TANC1: variants seen among roughly 807,000 people sequenced by gnomAD.
The protein encoded by TANC1 is protein TANC1.
A neutral mutation model predicts 149.7 loss-of-function variants in TANC1; 77 were observed. That is an observed-to-expected ratio of 0.51 (90% CI 0.43 to 0.62). The LOEUF is 0.62. TANC1 is among the 20% of genes least tolerant of loss of function. The pLI is 0.00. For synonymous variants in TANC1, 854 were observed against 925.0 expected, an observed-to-expected ratio of 0.92 and a Z score of 1.39; for missense variants, 1,985 against 2,321.8, an observed-to-expected ratio of 0.85 and a Z score of 2.98.
chr2:158,991,018 C>T (rs756643714), intron 1 of TANC1, among the ~76,000 whole-genome samples: 4 of 139,736 alleles, frequency 2.9e-5, no homozygotes, highest in East Asian at 2.2e-4. Context: ...CTTGAGCCAG[C>T]GAGGTGGAGG....
chr2:159,117,464 C>T (rs545003825), intron 4 of TANC1, among the ~76,000 whole-genome samples: 242 of 152,048 alleles, frequency 1.6e-3, no homozygotes, highest in Admixed American at 3.3e-3. Context: ...GGTGCAATCT[C>T]GGCTCACTGC....
intron 4 of TANC1, 145 bp from the exon 5 acceptor site, chr2:159,136,049 T>TGTGTGTGTGTGTGG: frequency 1.1e-5 from 1 of 90,882 alleles, no homozygotes. Context: ...TGTGTGTGTG[T>TGTGTGTGTGTGTGG]GCGCGCGCGC....
chr2:159,076,739 AC>A (rs962440398), intron 3 of TANC1, among the ~76,000 whole-genome samples: 1 of 152,166 alleles, frequency 6.6e-6, no homozygotes, highest in Non-Finnish European at 1.5e-5. Flanking sequence ...CTTGAGGAAG[AC>A]CTGGAAAAAG....
intron 9 of TANC1, 59 bp downstream of exon 9, chr2:159,169,431 A>G: frequency 2.5e-6 from 4 of 1,570,884 alleles, no homozygotes; most frequent in African/African-American, 1.4e-5. Context: ...AGTAACTTTG[A>G]AAGTCTGTGA....
rs1266626878 is a variant in TANC1, at chr2:159,192,891, C to T, written c.2743-1366C>T. Among the ~76,000 whole-genome samples the T allele has an allele frequency of 3.9e-5, 6 of 152,296 alleles. No individual in the cohort carries two copies. The East Asian group carries it at 1.2e-3, about 29-fold the overall frequency. Reference sequence around the variant, plus strand: ...TCTCGAACTCCTAACTGCAGGTGATCCGCCCGCCTCAGCCTCCCAAAGTGG... The same window carrying T: ...TCTCGAACTCCTAACTGCAGGTGATTCGCCCGCCTCAGCCTCCCAAAGTGG... On this transcript the variant is annotated intron_variant, in intron 16 of 26. Coordinates refer to ENST00000263635, the MANE Select transcript of TANC1 (RefSeq NM_033394.3).
chr2:159,056,808 G>T, intron 2 of TANC1: 1 of 341,856 alleles, frequency 2.9e-6, no homozygotes, highest in Non-Finnish European at 6.1e-6. Context: ...GGGCAGATTA[G>T]GAAAGTCCAG....
chr2:159,182,259 C>T (rs980188684), intron 14 of TANC1, among the ~76,000 whole-genome samples: 5 of 151,750 alleles, frequency 3.3e-5, no homozygotes, highest in Admixed American at 2.6e-4. Context: ...AACATATTTA[C>T]ATTTTGCAAT....
chr2:159,166,110 C>T (rs2054574710), intron 8 of TANC1, among the ~76,000 whole-genome samples: 1 of 152,132 alleles, frequency 6.6e-6, no homozygotes, highest in Non-Finnish European at 1.5e-5. Context: ...GACATGGACA[C>T]CTCTTTCCTT....
intron 2 of TANC1, among the ~76,000 whole-genome samples, chr2:159,035,043 C>G (rs778386889): frequency 1.4e-4 from 22 of 152,138 alleles, no homozygotes; most frequent in Non-Finnish European, 3.1e-4. Context: ...TAGCCTTTGT[C>G]TTGTGGTCTG....
rs1193112045 is a variant in TANC1, at chr2:159,163,458, C to T, written c.858C>T (p.Pro286=). 1.2e-6 allele frequency: 2 copies of T among 1,613,874 alleles called. No homozygotes were observed. The highest frequency in any genetic ancestry group is 2.2e-5 in the East Asian group (1 of 44,890). The change falls in exon 8 of 27, where the codon CCC becomes CCT. Residue 286 remains proline (P), a synonymous_variant. Transcript: ENST00000263635. ...CCGGGTCAGCAGAGAGCACGCTGCC[C>T]AAAGCAGAATCCTCAGCTGGAGATG... ...ETTGSAESTL[P]KAESSAGDGP... is the part of the protein sequence containing the mutation.
intron 5 of TANC1, chr2:159,148,873 A>G (rs72951450): frequency 0.27 from 77,867 of 287,880 alleles, 11,933 homozygotes; most frequent in East Asian, 0.62. Flanking sequence ...TTTTCACATG[A>G]CTCGGAATTA....
At chr2:159,040,732 T>C (rs1419803201) in intron 2 of TANC1, among the ~76,000 whole-genome samples, 2 of 152,124 alleles carry the variant, frequency 1.3e-5, no homozygotes, top group Non-Finnish European at 2.9e-5. Flanking sequence ...GAGAAGTTTG[T>C]TATTACTGAC....
chr2:159,051,800 C>T (rs1301840855), intron 2 of TANC1, among the ~76,000 whole-genome samples: 2 of 152,086 alleles, frequency 1.3e-5, no homozygotes, highest in Middle Eastern at 3.2e-3. Context: ...GCTGCTGCCA[C>T]AGCTGAAATA....
At chr2:159,017,376 G>A (rs571545777) in intron 2 of TANC1, among the ~76,000 whole-genome samples, 14 of 152,276 alleles carry the variant, frequency 9.2e-5, no homozygotes, top group African/African-American at 3.1e-4. Context: ...ATGCCAAACA[G>A]CATTTGTGCC....
intron 3 of TANC1, among the ~76,000 whole-genome samples, chr2:159,086,391 C>T (rs576872596): frequency 2.6e-5 from 4 of 151,946 alleles, no homozygotes; most frequent in African/African-American, 9.7e-5. Context: ...TGAGAACAAT[C>T]AATAGGAAAG....
rs527832498 is a variant in TANC1, at chr2:159,230,651, G to A, written c.5225G>A (p.Arg1742His). Residue 1742 changes from arginine to histidine, a missense_variant, in exon 27 of 27, where the codon CGC becomes CAC. Physicochemically the swap from Arg to His is conservative, Grantham distance 29. Transcript: ENST00000263635. The surrounding 1 kb of genome is among the most constrained non-coding windows in gnomAD (Gnocchi z 4.4). ...CAACAGCAGAGCAATCCTCCAAGCC[G>A]CAGCTGGCACTGTCCGGCACCAGAG... ...RFQQQSNPPS[R>H]SWHCPAPEGL... The A allele has an allele frequency of 9.3e-6, 15 of 1,614,196 alleles. No individual in the cohort carries two copies. The highest frequency in any genetic ancestry group is 5.5e-5 in the South Asian group (5 of 91,090).
At chr2:159,099,938 G>T (rs1360493908) in intron 4 of TANC1, among the ~76,000 whole-genome samples, 1 of 152,150 alleles carries the variant, frequency 6.6e-6, no homozygotes, top group East Asian at 1.9e-4. Flanking sequence ...AATAAAGTCT[G>T]CCCTACTATG....
intron 4 of TANC1, among the ~76,000 whole-genome samples, chr2:159,103,010 T>G (rs264644): frequency 0.89 from 81,605 of 91,218 alleles, 39,076 homozygotes; most frequent in East Asian, 1. Flanking sequence ...GAGCCACCCC[T>G]CCCAGCCAGA....
chr2:159,172,039 C>G (rs1193589705), intron 10 of TANC1, 82 bp from the exon 11 acceptor site: 1 of 1,396,660 alleles, frequency 7.2e-7, no homozygotes. Context: ...AAAATATGCC[C>G]TGGCACAAAT....
Sources: allele counts gnomAD v4.1 joint callset (sites outside exome capture counted in the v4.1 genomes callset), GRCh38; gene constraint gnomAD v4.1.1; non-coding constraint Gnocchi (gnomAD v3.1); transcripts MANE v1.5; gene names NCBI Gene and HGNC (gene_info 2026-07-23, HGNC 2026-07-21).